The following ABCA2 variants were observed in gnomAD, a reference collection of about 807,000 sequenced individuals.
ABCA2 encodes the protein ATP-binding cassette sub-family A member 2.
A neutral mutation model predicts 262.8 loss-of-function variants in ABCA2; 84 were observed. The observed-to-expected ratio is 0.32, with a 90% CI of 0.27 to 0.38. The LOEUF (loss-of-function observed/expected upper bound fraction) is 0.38. Ranked by LOEUF, ABCA2 falls within the 10% of genes least tolerant of loss-of-function variation. ABCA2 has a pLI of 1.00. For missense variants in ABCA2, 2,662 were observed against 3,405.9 expected (o/e 0.78, Z 5.44); for synonymous variants, 1,696 against 1,502.9 (o/e 1.13, Z -2.97).
intron 46 of ABCA2, 39 bp from the exon 47 acceptor site, chr9:137,008,907 C>CCCCCCCCTAGCGCCCCCCCCCCA: frequency 6.3e-7 from 1 of 1,588,718 alleles, no homozygotes; most frequent in Non-Finnish European, 8.5e-7. Flanking sequence ...AGCGCCCCCC[C>CCCCCCCCTAGCGCCCCCCCCCCA]ACCCCGTAGC....
upstream of ABCA2, chr9:137,028,855 G>T: frequency 7.5e-7 from 1 of 1,325,258 alleles, no homozygotes. This position sits in a 1 kb window ranked among gnomAD's most constrained non-coding sequence, Gnocchi z 6.9. Context: ...GCTGCACGCG[G>T]CTCGTTTTTC....
rs1263633994 is a variant in ABCA2 at position 137,019,354 on chromosome 9, C to T, written c.1426-48G>A. ...ATGGAGTTTCTGGACGGACCCCCAC[C>T]GACTTGGGGGCTCTCACCCCACTCA... is the stretch of plus-strand genomic sequence containing the variant. On this transcript the variant is annotated intron_variant, in intron 10 of 48. Coordinates refer to ENST00000341511, the MANE Select transcript of ABCA2 (RefSeq NM_001606.5). This position sits in a 1 kb window ranked among gnomAD's most constrained non-coding sequence, Gnocchi z 4.4. 5.6e-6 allele frequency: 9 copies of T among 1,597,790 alleles called. No homozygotes were observed. Among genetic ancestry groups the T allele is most frequent in the Admixed American group, 1.7e-5 (1 of 59,168 alleles).
chr9:137,008,509 C>T lies in ABCA2; in HGVS notation c.7182G>A (p.Arg2394=). The T allele has an allele frequency of 1.3e-6, 2 of 1,585,520 alleles. No individual in the cohort carries two copies. The highest frequency in any genetic ancestry group is 1.7e-6 in the Non-Finnish European group (2 of 1,166,476). Residue 2394 remains arginine, a synonymous_variant, in exon 48 of 49, where the codon CGG becomes CGA. Coordinates refer to ENST00000341511, the MANE Select transcript of ABCA2 (RefSeq NM_001606.5). The part of the protein sequence containing the change: ...LGCLLSLLRP[R]SAPTELRALV... ...GTGCCCGGAGCTCCGTGGGGGCAGA[C>T]CGGGGCCGGAGCAGGCTGAGCAAGC...
chr9:137,014,338 G>T lies in ABCA2; in HGVS notation c.4070C>A (p.Ala1357Asp). ...AEGPASGEGH[A>D]GNLARCSELT... is the part of the protein sequence containing the mutation. ...CTCCGAGCACCGGGCCAGATTGCCAGCGTGACCCTCCCCAGACGCCGGGCC... is the reference window on the plus strand; with the variant it reads ...CTCCGAGCACCGGGCCAGATTGCCATCGTGACCCTCCCCAGACGCCGGGCC... Residue 1357 changes from alanine (A) to aspartate (D), a missense_variant, in exon 27 of 49, where the codon GCT (alanine) becomes GAT (aspartate). By Grantham distance (126) the Ala-to-Asp change is moderately radical. Coordinates refer to ENST00000341511, the MANE Select transcript of ABCA2 (RefSeq NM_001606.5). 6.2e-7 allele frequency: 1 copy of T among 1,607,480 alleles called. No individual in the cohort carries two copies.
intron 10 of ABCA2, 39 bp downstream of exon 10, chr9:137,020,297 C>A: frequency 6.2e-7 from 1 of 1,608,676 alleles, no homozygotes; most frequent in African/African-American, 1.3e-5. Context: ...CCCCCTCCCA[C>A]TCTGCCTGTC....
At chr9:137,020,045 G>GCC in intron 10 of ABCA2, 1 of 379,930 alleles carries the variant, frequency 2.6e-6, no homozygotes, top group East Asian at 5.3e-5. Context: ...CACTCTGGAA[G>GCC]GTCTCTGGAC....
In ABCA2 at chr9:137,015,711, G is replaced by A. The variant is rs555138612; in HGVS notation, c.3478C>T (p.Arg1160Cys). Residue 1160 changes from arginine to cysteine, a missense_variant, in exon 23 of 49, where the codon CGC (arginine) becomes TGC (cysteine). By Grantham distance (180) the Arg-to-Cys change is radical. Coordinates refer to ENST00000341511, the MANE Select transcript of ABCA2 (RefSeq NM_001606.5). Reference sequence around the variant, plus strand: ...TTCAGGATGAGGTCCCAGATGGCGCGGCGCGCGTAGGGGTCCACGCCCGCC... The same window carrying A: ...TTCAGGATGAGGTCCCAGATGGCGCAGCGCGCGTAGGGGTCCACGCCCGCC... ...PTAGVDPYARRAIWDLILKYK... is the reference protein window; with the variant it reads ...PTAGVDPYARCAIWDLILKYK... 1.1e-5 allele frequency: 18 copies of A among 1,610,508 alleles called. No individual in the cohort carries two copies. The highest frequency in any genetic ancestry group is 2.2e-5 in the East Asian group (1 of 44,788).
chr9:137,010,681 C>T lies in ABCA2; in HGVS notation c.6113G>A (p.Arg2038Gln), dbSNP rs769752127. The T allele has an allele frequency of 6.2e-6, 10 of 1,612,364 alleles. No individual in the cohort carries two copies. The highest frequency in any genetic ancestry group is 5.3e-5 in the African/African-American group (4 of 74,842). Reference sequence around the variant, plus strand: ...GGCGTCTCCCCGGAGCACTCGCTGCCGCTCACTGGCCACGTCCACATCATC... The same window carrying T: ...GGCGTCTCCCCGGAGCACTCGCTGCTGCTCACTGGCCACGTCCACATCATC... The part of the protein sequence containing the change: ...VEDDVDVASE[R>Q]QRVLRGDADN... Residue 2038 changes from arginine to glutamine, a missense_variant, in exon 40 of 49, where the codon CGG becomes CAG. Arg to Gln is a conservative substitution (Grantham distance 43). Around this residue, in one of 12 missense-constraint regions of ABCA2, gnomAD observed 602 missense variants for 897.4 expected, o/e 0.67. Transcript: ENST00000341511.
chr9:137,018,578 G>A, intron 13 of ABCA2, 141 bp downstream of exon 13: 1 of 682,706 alleles, frequency 1.5e-6, no homozygotes, highest in East Asian at 2.8e-5. Flanking sequence ...GAAGGGGCAG[G>A]GGTGGGGAGG....
chr9:137,013,789 G>C (rs946229015), intron 28 of ABCA2, 43 bp downstream of exon 28: 3 of 1,557,082 alleles, frequency 1.9e-6, no homozygotes, highest in Admixed American at 1.9e-5. Context: ...AGCGGGCGGT[G>C]GGGGGAGGCA....
At chr9:137,010,591 AGG>A in intron 40 of ABCA2, 27 bp downstream of exon 40, 1 of 295,874 alleles carries the variant, frequency 3.4e-6, no homozygotes, top group Non-Finnish European at 5.7e-6. Context: ...TACCCCACCC[AGG>A]CCCCACCCTA....
chr9:137,023,680 G>A, intron 3 of ABCA2, 158 bp downstream of exon 3: 1 of 687,196 alleles, frequency 1.5e-6, no homozygotes. Context: ...CCACTTCACT[G>A]CCTGCCACCC....
rs972832501 is a variant in ABCA2 at position 137,018,215 on chromosome 9, G to A, written c.1956C>T (p.Gly652=). ...AYWRPGPNTG[G]RFYFLYGFVW... ...CGAAGCCGTAGAGGAAGTAGAAGCG[G>A]CCGCCAGTATTGGGCCCAGGCCGCC... The change falls in exon 14 of 49, where the codon GGC becomes GGT. Residue 652 remains glycine (G), a synonymous_variant. Transcript: ENST00000341511. The A allele has an allele frequency of 1.2e-6, 2 of 1,611,126 alleles. No individual in the cohort carries two copies. Among genetic ancestry groups the A allele is most frequent in the African/African-American group, 2.7e-5 (2 of 74,486 alleles).
At chr9:137,012,229 T>TCCCCG (rs748119956) in intron 33 of ABCA2, 36 bp downstream of exon 33, 4 of 952,348 alleles carry the variant, frequency 4.2e-6, no homozygotes, top group African/African-American at 2.4e-5. Flanking sequence ...CCCCAGCTCC[T>TCCCCG]CCCCGCCCCG....
chr9:137,007,947 G>A lies in ABCA2; in HGVS notation c.7293C>T (p.Asn2431=). 1 of 1,605,586 alleles carries A rather than the reference G, an allele frequency of 6.2e-7. No individual in the cohort carries two copies. The highest frequency in any genetic ancestry group is 8.5e-7 in the Non-Finnish European group (1 of 1,179,848). Residue 2431 remains asparagine, a synonymous_variant, in exon 49 of 49, where the codon AAC becomes AAT. Coordinates refer to ENST00000341511, the MANE Select transcript of ABCA2 (RefSeq NM_001606.5). ...TGGGTGGTCAGCAGAGCGTGTCCGT[G>A]TTGAAGGACAGCTGGGCCTGTGCAC... ...FEEERAQLSF[N]TDTLC
intron 29 of ABCA2, 58 bp from the exon 30 acceptor site, chr9:137,013,376 C>T: frequency 6.6e-7 from 1 of 1,521,210 alleles, no homozygotes; most frequent in Non-Finnish European, 8.8e-7. Flanking sequence ...GCCAGCCCCG[C>T]CCCCTCGCCC....
At position 137,014,922 on chromosome 9, in the gene ABCA2, G is replaced by A. The variant is rs780253680; in HGVS notation, c.3873C>T (p.Arg1291=). Residue 1291 remains arginine, a synonymous_variant, in exon 25 of 49, where the codon CGC becomes CGT. Coordinates refer to ENST00000341511, the MANE Select transcript of ABCA2 (RefSeq NM_001606.5). ...CCGTGCGCCCTCACACCTGGAAGAG[G>A]CGCTCGAAAGCCCCCTTCTTGGCGG... ...SEAAKKGAFE[R]LFQHLERSLD... is the part of the protein sequence containing the mutation. 3 of 1,568,598 alleles carry A rather than the reference G, an allele frequency of 1.9e-6. No individual in the cohort carries two copies. The highest frequency in any genetic ancestry group is 2.4e-5 in the South Asian group (2 of 84,592).
At position 137,014,830 on chromosome 9, in the gene ABCA2, G is replaced by A; in HGVS notation, c.3883-20C>T. The A allele has an allele frequency of 6.3e-7, 1 of 1,594,078 alleles. No homozygotes were observed. Among genetic ancestry groups the A allele is most frequent in the South Asian group, 1.1e-5 (1 of 88,374 alleles). ...CAGGTGCTGCAGGGGCGGTGGAGGG[G>A]GAGGCTGCGGCAGGGACGCCCAGGC... On this transcript the variant is annotated intron_variant, in intron 25 of 48. Transcript: ENST00000341511.
rs1209218261 is a variant in ABCA2, at chr9:137,008,512, G to C, written c.7179C>G (p.Pro2393=). ...CCCGGAGCTCCGTGGGGGCAGACCG[G>C]GGCCGGAGCAGGCTGAGCAAGCAGC... ...PLGCLLSLLR[P]RSAPTELRAL... Residue 2393 remains proline, a synonymous_variant, in exon 48 of 49, where the codon CCC becomes CCG. Transcript: ENST00000341511. 2.5e-6 allele frequency: 4 copies of C among 1,588,200 alleles called. No homozygotes were observed. In the South Asian group the frequency reaches 4.6e-5, roughly 18 times the overall value.
Sources: gnomAD v4.1 joint callset for allele counts on GRCh38, gnomAD v4.1.1 for gene constraint, gnomAD v4.1.1 regional missense constraint, Gnocchi (gnomAD v3.1) non-coding constraint, MANE v1.5 for transcripts, NCBI Gene and HGNC (gene_info 2026-07-23, HGNC 2026-07-21) for gene names.